The following PDZD8 variants were observed in gnomAD, a reference collection of about 807,000 sequenced individuals.
PDZD8 encodes PDZ domain-containing protein 8.
PDZD8 carries 14 observed loss-of-function variants against 85.8 expected under a neutral mutation model. The ratio of observed to expected loss-of-function variants is 0.16; its 90% CI spans 0.11 to 0.26. PDZD8 has a LOEUF of 0.26. Ranked by LOEUF, PDZD8 falls within the 10% of genes least tolerant of loss-of-function variation. The probability of loss-of-function intolerance (pLI) is 1.00; values close to 1 mark genes in which losing one functional copy is unlikely to be tolerated. For missense variants in PDZD8, 1,197 were observed against 1,424.3 expected, an observed-to-expected ratio of 0.84 and a Z score of 2.57; for synonymous variants, 592 against 568.6, an observed-to-expected ratio of 1.04 and a Z score of -0.59.
At position 117,284,839 on chromosome 10, in the gene PDZD8, C is replaced by T. The variant is rs751239659; in HGVS notation, c.1894G>A (p.Ala632Thr). 4 of 1,614,044 alleles carry T rather than the reference C, an allele frequency of 2.5e-6. No individual in the cohort carries two copies. The Admixed American group carries it at 6.7e-5, about 27-fold the overall frequency. ...TCCACATTTTTTGCTTGCTTTTCAG[C>T]AGATTTATCTACAAGAGGAGGTGGC... The part of the protein sequence containing the change: ...VVPPPLVDKS[A>T]EKQAKNVDAI... The change falls in exon 5 of 5, where the codon GCT becomes ACT. Residue 632 changes from alanine to threonine, a missense_variant. By Grantham distance (58) the Ala-to-Thr change is moderately conservative (BLOSUM62 0). Transcript: ENST00000334464.
At chr10:117,340,467 G>T (rs1474399130) in intron 2 of PDZD8, among the ~76,000 whole-genome samples, 1 of 152,074 alleles carries the variant, frequency 6.6e-6, no homozygotes, top group Non-Finnish European at 1.5e-5. Context: ...CTTTACCCTT[G>T]ATGTTTCCTC....
chr10:117,315,723 G>A (rs1189553055), intron 3 of PDZD8, among the ~76,000 whole-genome samples: 1 of 151,716 alleles, frequency 6.6e-6, no homozygotes, highest in Non-Finnish European at 1.5e-5. Context: ...TTCAAACAAT[G>A]TGTGCTACTG....
chr10:117,284,291 T>A lies in PDZD8; in HGVS notation c.2442A>T (p.Glu814Asp). 6.2e-7 allele frequency: 1 copy of A among 1,613,780 alleles called. No homozygotes were observed. Among genetic ancestry groups the A allele is most frequent in the Non-Finnish European group, 8.5e-7 (1 of 1,179,962 alleles). ...CAGAAACTTCTTCAACCAAATGGGG[T>A]TCTTTTTCTTTTTCTACGTTAGTAA... is the stretch of plus-strand genomic sequence containing the variant. ...HVVTNVEKEK[E>D]PHLVEEVSVL... Residue 814 changes from glutamate (E) to aspartate (D), a missense_variant, in exon 5 of 5, where the codon GAA (glutamate) becomes GAT (aspartate). Glu to Asp is a conservative substitution (Grantham distance 45). Coordinates refer to ENST00000334464, the MANE Select transcript of PDZD8 (RefSeq NM_173791.5).
At chr10:117,308,745 G>A (rs1365009971) in intron 3 of PDZD8, among the ~76,000 whole-genome samples, 2 of 152,068 alleles carry the variant, frequency 1.3e-5, no homozygotes, top group African/African-American at 4.8e-5. Context: ...AGCTAGCTGG[G>A]TGATTTGGAT....
At chr10:117,291,346 C>T (rs1172710262) in intron 3 of PDZD8, among the ~76,000 whole-genome samples, 1 of 151,450 alleles carries the variant, frequency 6.6e-6, no homozygotes, top group African/African-American at 2.4e-5. Flanking sequence ...CTGGCTAACA[C>T]GGTGAAACCC....
chr10:117,283,820 T>C lies in PDZD8; in HGVS notation c.2913A>G (p.Thr971=). The change falls in exon 5 of 5, where the codon ACA becomes ACG. Residue 971 remains threonine (T), a synonymous_variant. Transcript: ENST00000334464. Reference sequence around the variant, plus strand: ...TGCCTTCGTTGTCTGACGTGTTGGGTGTGTGTTTTGGTGAAGGTTCTACGA... The same window carrying C: ...TGCCTTCGTTGTCTGACGTGTTGGGCGTGTGTTTTGGTGAAGGTTCTACGA... ...TDLVEPSPKH[T]PNTSDNEGSD... 6.2e-7 allele frequency: 1 copy of C among 1,614,174 alleles called. No individual in the cohort carries two copies. Among genetic ancestry groups the C allele is most frequent in the Non-Finnish European group, 8.5e-7 (1 of 1,180,026 alleles).
intron 1 of PDZD8, among the ~76,000 whole-genome samples, chr10:117,350,632 G>A (rs138817452): frequency 0.04 from 6,074 of 151,216 alleles, 143 homozygotes; most frequent in East Asian, 0.065. Flanking sequence ...GGCCGGGCGC[G>A]GTGGCTCACG....
chr10:117,295,685 G>T (rs1259474149), intron 3 of PDZD8, among the ~76,000 whole-genome samples: 1 of 151,946 alleles, frequency 6.6e-6, no homozygotes, highest in Non-Finnish European at 1.5e-5. Flanking sequence ...CATTAAAAAA[G>T]ATAATAATCA....
At chr10:117,302,111 C>G (rs761645808) in intron 3 of PDZD8, among the ~76,000 whole-genome samples, 1 of 152,184 alleles carries the variant, frequency 6.6e-6, no homozygotes, top group Non-Finnish European at 1.5e-5. Context: ...TCTGAAGGGT[C>G]CTTCTGGTAT....
chr10:117,305,503 C>T (rs1459460665), intron 3 of PDZD8, among the ~76,000 whole-genome samples: 4 of 101,166 alleles, frequency 4.0e-5, no homozygotes, highest in African/African-American at 1.0e-4. Context: ...CACACACACA[C>T]ACACACACAC....
In PDZD8 at chr10:117,280,856, G is replaced by A. The variant is rs969102304; in HGVS notation, c.*2412C>T. On this transcript the variant is annotated 3_prime_UTR_variant, in exon 5 of 5. Transcript: ENST00000334464. ...TTCAACAGCTCTTTCAAATGCATCA[G>A]TTTCAGCAACATGCTTGGGTATCAT... is the stretch of plus-strand genomic sequence containing the variant. 6.6e-6 allele frequency: 1 copy of A among 152,188 alleles called. No homozygotes were observed. Among genetic ancestry groups the A allele is most frequent in the African/African-American group, 2.4e-5 (1 of 41,446 alleles). 9.4% of individuals were successfully genotyped at this position (152,188 alleles called of 1,614,324 possible). A position where few individuals can be genotyped will look rare whatever the true frequency, so the allele number is the denominator to read the frequency against.
intron 3 of PDZD8, among the ~76,000 whole-genome samples, chr10:117,298,836 C>T (rs2133777021): frequency 6.6e-6 from 1 of 152,262 alleles, no homozygotes; most frequent in Non-Finnish European, 1.5e-5. Context: ...TCTTGTACAG[C>T]CTTTTTCTTG....
intron 2 of PDZD8, among the ~76,000 whole-genome samples, chr10:117,334,267 G>C (rs1844478168): frequency 6.6e-6 from 1 of 152,186 alleles, no homozygotes; most frequent in Non-Finnish European, 1.5e-5. Context: ...GGAGGTTGAA[G>C]CTGGTGGGCT....
At chr10:117,314,313 T>C (rs976489149) in intron 3 of PDZD8, 2 of 152,170 alleles carry the variant, frequency 1.3e-5, no homozygotes, top group African/African-American at 4.8e-5. Context: ...AGCTTTCTTT[T>C]CTAAAAAGAA....
At chr10:117,305,537 T>G (rs1424508538) in intron 3 of PDZD8, among the ~76,000 whole-genome samples, 1 of 149,748 alleles carries the variant, frequency 6.7e-6, no homozygotes, top group Non-Finnish European at 1.5e-5. Context: ...GAGAGAGAGA[T>G]ATTCTTATAG....
chr10:117,319,076 C>G (rs1234637121), intron 2 of PDZD8, 102 bp from the exon 3 acceptor site: 3 of 744,586 alleles, frequency 4.0e-6, no homozygotes, highest in Non-Finnish European at 6.7e-6. Flanking sequence ...TACTCCATTA[C>G]TATTATAGCT....
intron 2 of PDZD8, among the ~76,000 whole-genome samples, chr10:117,324,584 A>G (rs891320831): frequency 3.3e-5 from 5 of 152,190 alleles, no homozygotes; most frequent in Admixed American, 6.5e-5. Context: ...AAGATTCATT[A>G]TAAGTACTCT....
chr10:117,291,347 G>A (rs1009817982), intron 3 of PDZD8, among the ~76,000 whole-genome samples: 9 of 151,702 alleles, frequency 5.9e-5, no homozygotes, highest in South Asian at 2.1e-4. Context: ...TGGCTAACAC[G>A]GTGAAACCCC....
chr10:117,304,315 C>A (rs1193620491), intron 3 of PDZD8, among the ~76,000 whole-genome samples: 1 of 152,110 alleles, frequency 6.6e-6, no homozygotes, highest in East Asian at 1.9e-4. Flanking sequence ...TGGCCAATTT[C>A]TCTTATTTGG....
Sources: gnomAD v4.1 joint callset for allele counts (sites outside exome capture counted in the v4.1 genomes callset) on GRCh38, gnomAD v4.1.1 for gene constraint, MANE v1.5 for transcripts, NCBI Gene and HGNC (gene_info 2026-07-23, HGNC 2026-07-21) for gene names.